COMMD10: variants seen among roughly 807,000 people sequenced by gnomAD.
COMMD10 encodes COMM domain containing 10.
COMMD10 carries 33 observed loss-of-function variants against 28.9 expected under a neutral mutation model. That is an observed-to-expected ratio of 1.14 (90% CI 0.87 to 1.53). COMMD10 has a LOEUF of 1.53. Among genes scored for constraint, COMMD10 ranks in the 40% most tolerant of loss-of-function variants. COMMD10 has a pLI of 0.00. For missense variants in COMMD10, 310 were observed against 233.4 expected (o/e 1.33, Z -2.14); for synonymous variants, 110 against 81.7 (o/e 1.35, Z -1.87).
intron 5 of COMMD10, among the ~76,000 whole-genome samples, chr5:116,148,607 G>A (rs994424908): frequency 6.6e-6 from 1 of 151,632 alleles, no homozygotes. Flanking sequence ...TTTTCTAGCC[G>A]AAAGGGATCT....
intron 5 of COMMD10, among the ~76,000 whole-genome samples, chr5:116,220,223 G>A (rs1425750486): frequency 6.6e-6 from 1 of 152,092 alleles, no homozygotes. Context: ...GCAAAATCAG[G>A]CATAAAGTCT....
chr5:116,128,285 T>C (rs559277801), intron 4 of COMMD10, among the ~76,000 whole-genome samples: 1 of 152,138 alleles, frequency 6.6e-6, no homozygotes, highest in African/African-American at 2.4e-5. Context: ...TAAAAGGTAA[T>C]GTAAGTGAGA....
intron 4 of COMMD10, among the ~76,000 whole-genome samples, chr5:116,104,430 A>G (rs1249680639): frequency 3.9e-5 from 6 of 152,118 alleles, no homozygotes; most frequent in Admixed American, 6.5e-5. Context: ...GAGTTCACTC[A>G]TGATTTGTCT....
chr5:116,101,994 C>T (rs1750680841), intron 4 of COMMD10, among the ~76,000 whole-genome samples: 2 of 152,212 alleles, frequency 1.3e-5, no homozygotes, highest in African/African-American at 2.4e-5. Flanking sequence ...CAAATATTTT[C>T]TCCCATTTTG....
chr5:116,229,302 T>C (rs572648716), intron 5 of COMMD10, among the ~76,000 whole-genome samples: 16 of 152,100 alleles, frequency 1.1e-4, no homozygotes, highest in Admixed American at 7.9e-4. Flanking sequence ...GGGACAGGTA[T>C]TCATATGTAA....
chr5:116,190,089 T>TA, intron 5 of COMMD10, among the ~76,000 whole-genome samples: 1 of 152,280 alleles, frequency 6.6e-6, no homozygotes, highest in Middle Eastern at 3.4e-3. Context: ...GATGAGTATA[T>TA]ATCAGGGTAC....
chr5:116,251,756 G>A (rs1368490027), intron 5 of COMMD10, among the ~76,000 whole-genome samples: 67 of 151,962 alleles, frequency 4.4e-4, no homozygotes, highest in African/African-American at 1.5e-3. Flanking sequence ...ATAAACATAC[G>A]TGTGCATGTG....
intron 5 of COMMD10, among the ~76,000 whole-genome samples, chr5:116,257,127 C>G (rs1561395715): frequency 6.6e-6 from 1 of 151,540 alleles, no homozygotes; most frequent in South Asian, 2.1e-4. Flanking sequence ...GAAATGGGTC[C>G]TCTAGGGATG....
intron 5 of COMMD10, among the ~76,000 whole-genome samples, chr5:116,162,923 T>C (rs992412935): frequency 4.6e-5 from 7 of 152,096 alleles, no homozygotes; most frequent in Non-Finnish European, 8.8e-5. Context: ...CTGACAAAAA[T>C]GGAGCAACTC....
At chr5:116,190,714 A>C (rs1433804506) in intron 5 of COMMD10, among the ~76,000 whole-genome samples, 1 of 152,212 alleles carries the variant, frequency 6.6e-6, no homozygotes, top group Non-Finnish European at 1.5e-5. Flanking sequence ...TTTGTACCTA[A>C]AATATTAACA....
chr5:116,156,583 G>A (rs11951865), intron 5 of COMMD10, among the ~76,000 whole-genome samples: 1 of 151,860 alleles, frequency 6.6e-6, no homozygotes, highest in Non-Finnish European at 1.5e-5. Flanking sequence ...AGAAAGTTGG[G>A]GGCCTGAAGG....
intron 5 of COMMD10, among the ~76,000 whole-genome samples, chr5:116,156,324 G>A (rs566206846): frequency 2.0e-5 from 3 of 152,080 alleles, no homozygotes; most frequent in Admixed American, 6.6e-5. Flanking sequence ...AACTGATTGA[G>A]GCTCAAATTC....
chr5:116,269,285 A>C (rs911070341), intron 5 of COMMD10, among the ~76,000 whole-genome samples: 3 of 151,850 alleles, frequency 2.0e-5, no homozygotes, highest in African/African-American at 7.3e-5. Context: ...TTCTAGAGGA[A>C]AGATTTTCTC....
chr5:116,220,276 CTCAT>C (rs1303455251), intron 5 of COMMD10, among the ~76,000 whole-genome samples: 6 of 152,176 alleles, frequency 3.9e-5, no homozygotes, highest in African/African-American at 7.2e-5. Flanking sequence ...CACATTCTGT[CTCAT>C]TCATGTTCTT....
chr5:116,140,293 A>C (rs547103314), intron 5 of COMMD10, among the ~76,000 whole-genome samples: 1 of 150,372 alleles, frequency 6.7e-6, no homozygotes, highest in African/African-American at 2.5e-5. Context: ...GCGTATATAT[A>C]TGTACACATA....
chr5:116,165,095 T>TC (rs1753046605), intron 5 of COMMD10, among the ~76,000 whole-genome samples: 1 of 152,218 alleles, frequency 6.6e-6, no homozygotes, highest in Admixed American at 6.5e-5. Flanking sequence ...GACATATCCT[T>TC]ATGCTGTTGA....
At chr5:116,144,848 G>A (rs778795566) in intron 5 of COMMD10, among the ~76,000 whole-genome samples, 3 of 151,798 alleles carry the variant, frequency 2.0e-5, no homozygotes, top group Non-Finnish European at 2.9e-5. Flanking sequence ...GTAGGGGAAT[G>A]TGGATTCAGT....
rs1752270849 is a variant in COMMD10, at chr5:116,144,058, G to C, written c.510+9880G>C. Among the ~76,000 whole-genome samples the C allele has an allele frequency of 4.0e-5, 6 of 151,838 alleles. No homozygotes were observed. In the South Asian group the frequency reaches 1.2e-3, roughly 31 times the overall value. On this transcript the variant is annotated intron_variant, in intron 5 of 6. Transcript: ENST00000274458. The stretch of plus-strand genomic sequence containing the variant: ...TTATTTTTTGAGCATTTCAAATATG[G>C]AGGTACCTGAGATATCCAGGTGGAG...
intron 5 of COMMD10, among the ~76,000 whole-genome samples, chr5:116,281,198 A>G (rs892514496): frequency 7.9e-5 from 12 of 151,882 alleles, no homozygotes; most frequent in Admixed American, 3.3e-4. Flanking sequence ...AGGTTAATGC[A>G]TTTCTGTCTT....
Sources: gnomAD v4.1 joint callset for allele counts (sites outside exome capture counted in the v4.1 genomes callset) on GRCh38, gnomAD v4.1.1 for gene constraint, MANE v1.5 for transcripts, NCBI Gene and HGNC (gene_info 2026-07-23, HGNC 2026-07-21) for gene names.